The following SPTBN1 variants were observed in gnomAD, a reference collection of about 807,000 sequenced individuals.
SPTBN1 encodes the protein spectrin beta, non-erythrocytic 1, also known as spectrin beta chain, non-erythrocytic 1.
Under a neutral mutation model 266.4 loss-of-function variants are expected in SPTBN1, and 32 were observed. That is an observed-to-expected ratio of 0.12 (90% CI 0.09 to 0.16). The LOEUF (loss-of-function observed/expected upper bound fraction) is 0.16, where lower values mean the gene tolerates loss of function less well. Among genes scored for constraint, SPTBN1 ranks in the 10% least tolerant of loss-of-function variants. The probability of loss-of-function intolerance (pLI) is 1.00; values close to 1 mark genes in which losing one functional copy is unlikely to be tolerated. For synonymous variants in SPTBN1, 1,336 were observed against 1,162.2 expected, an observed-to-expected ratio of 1.15 and a Z score of -3.04; for missense variants, 2,296 against 3,067.1, an observed-to-expected ratio of 0.75 and a Z score of 5.94.
intron 2 of SPTBN1, among the ~76,000 whole-genome samples, chr2:54,562,316 T>C (rs1041255126): frequency 6.6e-6 from 1 of 152,166 alleles, no homozygotes; most frequent in Non-Finnish European, 1.5e-5. Context: ...ATTGTGTAAA[T>C]GAAGTTCCAG....
chr2:54,618,160 C>G lies in SPTBN1; in HGVS notation c.730C>G (p.His244Asp), dbSNP rs1677739676. 1 of 1,614,184 alleles carries G rather than the reference C, an allele frequency of 6.2e-7. No individual in the cohort carries two copies. Among genetic ancestry groups the G allele is most frequent in the Non-Finnish European group, 8.5e-7 (1 of 1,180,030 alleles). Residue 244 changes from histidine (H) to aspartate (D), a missense_variant, in exon 7 of 36, where the codon CAC becomes GAC. Physicochemically the swap from His to Asp is moderately conservative, Grantham distance 81. Transcript: ENST00000356805. ...GAATGCATTTAATCTGGCAGAACAGCACCTCGGCCTCACTAAACTGTTGGA... is the reference window on the plus strand; with the variant it reads ...GAATGCATTTAATCTGGCAGAACAGGACCTCGGCCTCACTAAACTGTTGGA... ...LQNAFNLAEQ[H>D]LGLTKLLDPE... is the part of the protein sequence containing the mutation.
At chr2:54,478,546 G>C (rs1432172641) in intron 1 of SPTBN1, among the ~76,000 whole-genome samples, 1 of 152,150 alleles carries the variant, frequency 6.6e-6, no homozygotes, top group Non-Finnish European at 1.5e-5. Context: ...TTGTATCAAA[G>C]AAGAGTCCAG....
intron 1 of SPTBN1, among the ~76,000 whole-genome samples, chr2:54,504,700 A>AGGTCCT (rs1455327393): frequency 2.6e-5 from 4 of 152,202 alleles, no homozygotes; most frequent in African/African-American, 9.6e-5. Context: ...TATTCATAAG[A>AGGTCCT]GGTCCTGGAA....
At chr2:54,553,726 T>G (rs1405540319) in intron 2 of SPTBN1, among the ~76,000 whole-genome samples, 2 of 152,242 alleles carry the variant, frequency 1.3e-5, no homozygotes, top group African/African-American at 4.8e-5. Context: ...CAAGGTTGAA[T>G]GTGTACAAAT....
In SPTBN1 at chr2:54,498,165, A is replaced by G. The variant is rs755230738; in HGVS notation, c.-47-28207A>G. On this transcript the variant is annotated intron_variant, in intron 1 of 35. Coordinates refer to ENST00000356805, the MANE Select transcript of SPTBN1 (RefSeq NM_003128.3). ...CTTCAGTCTGTGGAGCCAAACCCAGACTGAAAGGCAGCAAGAGAGTAGCAG... is the reference window on the plus strand; with the variant it reads ...CTTCAGTCTGTGGAGCCAAACCCAGGCTGAAAGGCAGCAAGAGAGTAGCAG... 1.3e-5 allele frequency among the ~76,000 whole-genome samples: 2 copies of G among 152,164 alleles called. 1 individual carries two copies. Among genetic ancestry groups the G allele is most frequent in the South Asian group, 4.1e-4 (2 of 4,820 alleles).
At chr2:54,473,161 G>C (rs542988263) in intron 1 of SPTBN1, among the ~76,000 whole-genome samples, 3 of 152,196 alleles carry the variant, frequency 2.0e-5, no homozygotes, top group South Asian at 4.1e-4. Flanking sequence ...TCCTCTCCTT[G>C]TATAGAAACA....
chr2:54,495,139 C>T (rs1345382745), intron 1 of SPTBN1, among the ~76,000 whole-genome samples: 1 of 147,866 alleles, frequency 6.8e-6, no homozygotes, highest in Non-Finnish European at 1.5e-5. Flanking sequence ...GAGGGCATCT[C>T]AGAGGCAATT....
At position 54,631,520 on chromosome 2, in the gene SPTBN1, G is replaced by C; in HGVS notation, c.3473G>C (p.Trp1158Ser). The C allele has an allele frequency of 3.7e-6, 6 of 1,614,206 alleles. No homozygotes were observed. Among genetic ancestry groups the C allele is most frequent in the Non-Finnish European group, 5.1e-6 (6 of 1,180,046 alleles). ...GGATGGAACGAGCTCCACAAGATGT[G>C]GGAGAACAGACAAAATCTCCTATCC... ...DTGWNELHKM[W>S]ENRQNLLSQS... Residue 1158 changes from tryptophan to serine, a missense_variant, in exon 16 of 36, where the codon TGG becomes TCG. Trp to Ser is a radical substitution (Grantham distance 177). Around this residue, in one of 12 missense-constraint regions of SPTBN1, gnomAD observed 386 missense variants for 486.1 expected, o/e 0.79. Coordinates refer to ENST00000356805, the MANE Select transcript of SPTBN1 (RefSeq NM_003128.3).
Position 54,558,389 on chromosome 2 carries a change from G to C in SPTBN1, c.148+31823G>C. ...ACCGGCGGCCGCCGCGGGCAGCTGG[G>C]AGGAGGTGTGCGCGCTGCGCCCGCG... is the stretch of plus-strand genomic sequence containing the variant. On this transcript the variant is annotated intron_variant, in intron 2 of 35. Coordinates refer to ENST00000356805, the MANE Select transcript of SPTBN1 (RefSeq NM_003128.3). This position sits in a 1 kb window ranked among gnomAD's most constrained non-coding sequence, Gnocchi z 4.6. 6 of 1,009,862 alleles carry C rather than the reference G, an allele frequency of 5.9e-6. No homozygotes were observed. Among genetic ancestry groups the C allele is most frequent in the Non-Finnish European group, 7.1e-6 (6 of 845,802 alleles). The allele number at this position is 1,009,862 out of a possible 1,614,324, so 62.6% of individuals were successfully genotyped here. A position where few individuals can be genotyped will look rare whatever the true frequency, so the allele number is the denominator to read the frequency against.
intron 1 of SPTBN1, among the ~76,000 whole-genome samples, chr2:54,514,031 T>C (rs1669989618): frequency 6.6e-6 from 1 of 152,230 alleles, no homozygotes; most frequent in Non-Finnish European, 1.5e-5. Flanking sequence ...AAAATTTTAA[T>C]GTACGAGTAG....
intron 1 of SPTBN1, among the ~76,000 whole-genome samples, chr2:54,480,326 G>A (rs758412737): frequency 8.5e-5 from 13 of 152,206 alleles, no homozygotes; most frequent in Non-Finnish European, 1.9e-4. Flanking sequence ...TTTTCCCAGA[G>A]TAGTGATATG....
chr2:54,525,963 C>G (rs1670789500), intron 1 of SPTBN1, among the ~76,000 whole-genome samples: 2 of 152,250 alleles, frequency 1.3e-5, no homozygotes, highest in Non-Finnish European at 2.9e-5. Flanking sequence ...AACTCCTGAC[C>G]TCAGGTGATC....
chr2:54,529,238 T>G (rs568176679), intron 2 of SPTBN1: 1 of 373,310 alleles, frequency 2.7e-6, no homozygotes, highest in African/African-American at 2.1e-5. Context: ...TCCCCTTCCT[T>G]CGGTGTTTGA....
In SPTBN1 at chr2:54,653,054, G is replaced by A. The variant is rs1220507109; in HGVS notation, c.5578-555G>A. The A allele has an allele frequency of 6.6e-6, 1 of 152,104 alleles. No homozygotes were observed. Among genetic ancestry groups the A allele is most frequent in the Admixed American group, 6.5e-5 (1 of 15,270 alleles). 9.4% of individuals were successfully genotyped at this position (152,104 alleles called of 1,614,324 possible). On this transcript the variant is annotated intron_variant, in intron 26 of 35. Coordinates refer to ENST00000356805, the MANE Select transcript of SPTBN1 (RefSeq NM_003128.3). The surrounding 1 kb of genome is among the most constrained non-coding windows in gnomAD (Gnocchi z 5.1). Reference sequence around the variant, plus strand: ...TTTTGTTGAAATTTGGCTATTTCAAGTTTCACCTTCTTTAACGTTAATTAG... The same window carrying A: ...TTTTGTTGAAATTTGGCTATTTCAAATTTCACCTTCTTTAACGTTAATTAG...
intron 1 of SPTBN1, among the ~76,000 whole-genome samples, chr2:54,512,064 C>T (rs529464253): frequency 2.0e-5 from 3 of 152,098 alleles, no homozygotes; most frequent in Admixed American, 6.5e-5. Flanking sequence ...GTAGGGTTTG[C>T]GCTCCTATGA....
At chr2:54,614,023 A>G (rs1303951381) in intron 4 of SPTBN1, among the ~76,000 whole-genome samples, 1 of 152,192 alleles carries the variant, frequency 6.6e-6, no homozygotes, top group Non-Finnish European at 1.5e-5. Flanking sequence ...GCTTTGAGTC[A>G]TTGACTAATT....
In SPTBN1 at chr2:54,458,972, A is replaced by T. The variant is rs568460319; in HGVS notation, c.-48+2454A>T. Among the ~76,000 whole-genome samples the T allele has an allele frequency of 3.3e-5, 5 of 152,348 alleles. 1 individual carries two copies. In the South Asian group the frequency reaches 1.0e-3, roughly 32 times the overall value. ...TATGTGCGTTATTTTGAGTTTCTCT[A>T]ATAGCCATTAAAATATGAGACTTTT... On this transcript the variant is annotated intron_variant, in intron 1 of 35. Coordinates refer to ENST00000356805, the MANE Select transcript of SPTBN1 (RefSeq NM_003128.3).
chr2:54,563,587 T>C (rs1283335608), intron 2 of SPTBN1, among the ~76,000 whole-genome samples: 1 of 140,776 alleles, frequency 7.1e-6, no homozygotes, highest in Non-Finnish European at 1.5e-5. Flanking sequence ...ATGAAGAAAA[T>C]TTATTCTTTT....
intron 2 of SPTBN1, among the ~76,000 whole-genome samples, chr2:54,581,804 C>T (rs1285815588): frequency 6.6e-6 from 1 of 152,042 alleles, no homozygotes; most frequent in Non-Finnish European, 1.5e-5. Flanking sequence ...TAGGAACTGC[C>T]TCAAGATAAA....
Sources: gnomAD v4.1 joint callset for allele counts (sites outside exome capture counted in the v4.1 genomes callset) on GRCh38, gnomAD v4.1.1 for gene constraint, gnomAD v4.1.1 regional missense constraint, Gnocchi (gnomAD v3.1) non-coding constraint, MANE v1.5 for transcripts, NCBI Gene and HGNC (gene_info 2026-07-23, HGNC 2026-07-21) for gene names.